The following TAF15 variants were observed in gnomAD, a reference collection of about 807,000 sequenced individuals.
The protein encoded by TAF15 is TATA-box binding protein associated factor 15.
A neutral mutation model predicts 102.5 loss-of-function variants in TAF15; 37 were observed. The observed-to-expected ratio is 0.36, with a 90% CI of 0.28 to 0.47. The LOEUF (loss-of-function observed/expected upper bound fraction) is 0.47, where lower values mean the gene tolerates loss of function less well. Among genes scored for constraint, TAF15 ranks in the 20% least tolerant of loss-of-function variants. The pLI is 0.99. For synonymous variants in TAF15, 273 were observed against 259.2 expected, an observed-to-expected ratio of 1.05 and a Z score of -0.51; for missense variants, 652 against 760.7, an observed-to-expected ratio of 0.86 and a Z score of 1.68.
chr17:35,813,375 T>C (rs2143735563), intron 1 of TAF15, among the ~76,000 whole-genome samples: 1 of 152,266 alleles, frequency 6.6e-6, no homozygotes, highest in East Asian at 1.9e-4. Flanking sequence ...GGCTCATGCC[T>C]ATAATCCCAG....
At position 35,838,507 on chromosome 17, in the gene TAF15, A is replaced by G. The variant is rs574398930; in HGVS notation, c.867A>G (p.Ser289=). 9.3e-6 allele frequency: 15 copies of G among 1,614,200 alleles called. No homozygotes were observed. Among genetic ancestry groups the G allele is most frequent in the Middle Eastern group, 1.6e-4 (1 of 6,062 alleles). ...AGCCAAAGGGGGAGGCAACAGTGTC[A>G]TTTGATGACCCTCCTTCAGCTAAGG... ...TGKPKGEATV[S]FDDPPSAKAA... The change falls in exon 11 of 16, where the codon TCA becomes TCG. Residue 289 remains serine (S), a synonymous_variant. Coordinates refer to ENST00000605844, the MANE Select transcript of TAF15 (RefSeq NM_139215.3).
At chr17:35,815,288 A>G (rs549121282) in intron 1 of TAF15, among the ~76,000 whole-genome samples, 10 of 152,358 alleles carry the variant, frequency 6.6e-5, no homozygotes, top group South Asian at 2.1e-4. Context: ...ACAAAGCACA[A>G]TTGTCAAATA....
chr17:35,846,641 C>A (rs2087626156), intron 15 of TAF15, among the ~76,000 whole-genome samples: 1 of 152,142 alleles, frequency 6.6e-6, no homozygotes, highest in African/African-American at 2.4e-5. Flanking sequence ...AGTTTCTGAT[C>A]TTCTGAAATA....
Position 35,826,535 on chromosome 17 carries a change from T to A in TAF15, c.605+2337T>A, listed in dbSNP as rs983895562. On this transcript the variant is annotated intron_variant, in intron 7 of 15. Transcript: ENST00000605844. ...GTTCCAGTAAAGCTTCATTTATGGATACTGAAATTTAAAGTTCATATAATT... is the reference window on the plus strand; with the variant it reads ...GTTCCAGTAAAGCTTCATTTATGGAAACTGAAATTTAAAGTTCATATAATT... Among the ~76,000 whole-genome samples, 11 of 151,348 alleles carry A rather than the reference T, an allele frequency of 7.3e-5. No individual in the cohort carries two copies. The Admixed American group carries it at 7.3e-4, about 10-fold the overall frequency.
At chr17:35,836,997 C>CTCTTGACCTCAAGTGA (rs1403455614) in intron 10 of TAF15, among the ~76,000 whole-genome samples, 66 of 152,150 alleles carry the variant, frequency 4.3e-4, no homozygotes, top group African/African-American at 1.5e-3. Context: ...TGGTCTTGAT[C>CTCTTGACCTCAAGTGA]TCTTGACCTC....
At chr17:35,837,182 C>T (rs984524969) in intron 10 of TAF15, among the ~76,000 whole-genome samples, 2 of 151,650 alleles carry the variant, frequency 1.3e-5, no homozygotes, top group African/African-American at 4.8e-5. Flanking sequence ...CAGGGTCTTG[C>T]TTCATTCCAT....
At chr17:35,841,065 T>C (rs1455091535) in intron 11 of TAF15, among the ~76,000 whole-genome samples, 1 of 152,230 alleles carries the variant, frequency 6.6e-6, no homozygotes, top group East Asian at 1.9e-4. Context: ...TTATAGTGAC[T>C]TTTGCCCATA....
chr17:35,809,889 T>G, intron 1 of TAF15: 2 of 542,608 alleles, frequency 3.7e-6, no homozygotes, highest in Non-Finnish European at 6.6e-6. Context: ...TACGCCATCG[T>G]AGGGGCGGGG....
chr17:35,817,868 C>T (rs1359316091), intron 2 of TAF15, 113 bp downstream of exon 2: 4 of 932,708 alleles, frequency 4.3e-6, no homozygotes, highest in Non-Finnish European at 5.3e-6. Context: ...ATTAGCTTGT[C>T]ACAGAGTGAA....
chr17:35,828,178 T>G (rs2143784188), intron 7 of TAF15, among the ~76,000 whole-genome samples: 1 of 152,180 alleles, frequency 6.6e-6, no homozygotes, highest in Middle Eastern at 3.4e-3. Context: ...CTTAAAAGAG[T>G]ATTCAGTTAA....
Position 35,825,968 on chromosome 17 carries a change from T to TA in TAF15, c.605+1779dup, listed in dbSNP as rs913216007. ...GACTTCGTCTCAAAAAAAAAAACAT[T>TA]AAAAAAAAATGTATTTTCATTTGTG... On this transcript the variant is annotated intron_variant, in intron 7 of 15. Transcript: ENST00000605844. 1.4e-4 allele frequency among the ~76,000 whole-genome samples: 21 copies of TA among 150,656 alleles called. No individual in the cohort carries two copies. In the South Asian group the frequency reaches 2.3e-3, roughly 17 times the overall value.
rs1234469239 is a variant in TAF15 at position 35,847,178 on chromosome 17, T to C, written c.*233T>C. 5 of 611,160 alleles carry C rather than the reference T, an allele frequency of 8.2e-6. No individual in the cohort carries two copies. The highest frequency in any genetic ancestry group is 7.4e-5 in the African/African-American group (4 of 54,024). 37.9% of individuals were successfully genotyped at this position (611,160 alleles called of 1,614,324 possible). On this transcript the variant is annotated 3_prime_UTR_variant, in exon 16 of 16. Transcript: ENST00000605844. ...TTGGAGCTAAATGCGTTGTAAAATA[T>C]TGCCAAAATGAAAAGTGTTTTGTAA...
chr17:35,819,650 T>G (rs553547064), intron 2 of TAF15, among the ~76,000 whole-genome samples: 1 of 152,358 alleles, frequency 6.6e-6, no homozygotes, highest in East Asian at 1.9e-4. Context: ...TGTTCATTTT[T>G]TGTGTAGTCA....
chr17:35,810,328 G>T (rs2143724841), intron 1 of TAF15: 1 of 152,652 alleles, frequency 6.6e-6, no homozygotes, highest in Admixed American at 6.5e-5. Context: ...CAGACCAAAG[G>T]AAAGGCAATC....
At chr17:35,839,114 A>G (rs55668640) in intron 11 of TAF15, among the ~76,000 whole-genome samples, 2 of 144,524 alleles carry the variant, frequency 1.4e-5, no homozygotes, top group East Asian at 2.0e-4. Context: ...CAAAAAAAAA[A>G]TTTTTTTTTT....
intron 4 of TAF15, 24 bp from the exon 5 acceptor site, chr17:35,820,308 A>C: frequency 6.2e-7 from 1 of 1,613,820 alleles, no homozygotes; most frequent in African/African-American, 1.3e-5. Context: ...CCTTCACTAA[A>C]TGATATACTC....
chr17:35,812,050 A>G (rs2087130255), intron 1 of TAF15, among the ~76,000 whole-genome samples: 1 of 152,204 alleles, frequency 6.6e-6, no homozygotes, highest in Non-Finnish European at 1.5e-5. Flanking sequence ...GTAACTGTGT[A>G]GGGACCAGAG....
At chr17:35,842,148 T>A (rs903427610) in intron 11 of TAF15, among the ~76,000 whole-genome samples, 3 of 152,056 alleles carry the variant, frequency 2.0e-5, no homozygotes, top group Non-Finnish European at 4.4e-5. Context: ...GTTTTTTTTT[T>A]AAGCTTAGTA....
At chr17:35,833,253 C>T (rs2087429030) in intron 7 of TAF15, among the ~76,000 whole-genome samples, 2 of 152,126 alleles carry the variant, frequency 1.3e-5, no homozygotes, top group Admixed American at 6.5e-5. Flanking sequence ...CATGAACCTC[C>T]GTAGCTCTGA....
Sources: allele counts gnomAD v4.1 joint callset (sites outside exome capture counted in the v4.1 genomes callset), GRCh38; gene constraint gnomAD v4.1.1; transcripts MANE v1.5; gene names NCBI Gene and HGNC (gene_info 2026-07-23, HGNC 2026-07-21).